Variants in USP28 observed in about 807,000 individuals in gnomAD.
USP28 encodes ubiquitin carboxyl-terminal hydrolase 28.
In USP28, 113 loss-of-function variants were observed where a neutral mutation model predicts 145.0. The ratio of observed to expected loss-of-function variants is 0.78; its 90% CI spans 0.67 to 0.91. The LOEUF (loss-of-function observed/expected upper bound fraction) is 0.91, where lower values mean the gene tolerates loss of function less well. Ranked by LOEUF, USP28 falls within the 40% of genes least tolerant of loss-of-function variation. The probability of loss-of-function intolerance (pLI) is 0.00; values close to 1 mark genes in which losing one functional copy is unlikely to be tolerated. For synonymous variants in USP28, 447 were observed against 450.9 expected (o/e 0.99, Z 0.11); for missense variants, 1,201 against 1,289.6 (o/e 0.93, Z 1.05).
At chr11:113,861,517 C>T (rs1352226290) in intron 1 of USP28, among the ~76,000 whole-genome samples, 1 of 152,026 alleles carries the variant, frequency 6.6e-6, no homozygotes, top group Non-Finnish European at 1.5e-5. Flanking sequence ...AAAACTGGGA[C>T]TTAAAAACAA....
chr11:113,810,557 G>A (rs972449647), intron 16 of USP28, among the ~76,000 whole-genome samples: 10 of 152,082 alleles, frequency 6.6e-5, no homozygotes, highest in African/African-American at 1.9e-4. Context: ...TCATTCCTTC[G>A]CAGCATAAAT....
At chr11:113,821,806 T>C (rs1411092047) in intron 12 of USP28, 1 of 176,092 alleles carries the variant, frequency 5.7e-6, no homozygotes, top group Non-Finnish European at 1.2e-5. Context: ...TTAACAAAAT[T>C]TTGTGCTTGG....
intron 7 of USP28, 98 bp from the exon 8 acceptor site, chr11:113,832,091 T>C (rs972506264): frequency 3.1e-6 from 3 of 983,128 alleles, no homozygotes; most frequent in Non-Finnish European, 4.6e-6. Context: ...TATACTACTA[T>C]AAAAGCATTT....
intron 14 of USP28, 143 bp downstream of exon 14, chr11:113,815,031 G>T: frequency 1.3e-6 from 1 of 757,612 alleles, no homozygotes; most frequent in Non-Finnish European, 2.1e-6. Context: ...CAGCCTGGGT[G>T]ATAGAGTGAG....
At chr11:113,812,569 T>C in intron 15 of USP28, 65 bp from the exon 16 acceptor site, 1 of 1,414,478 alleles carries the variant, frequency 7.1e-7, no homozygotes, top group Non-Finnish European at 9.9e-7. Flanking sequence ...GTTTAGGTTA[T>C]TAAGAAATTA....
intron 5 of USP28, among the ~76,000 whole-genome samples, 185 bp downstream of exon 5, chr11:113,840,413 A>C (rs1214099337): frequency 6.6e-6 from 1 of 152,224 alleles, no homozygotes; most frequent in Admixed American, 6.5e-5. Flanking sequence ...ACCACAGCAG[A>C]TTTCTTTTTA....
chr11:113,807,358 A>T (rs1419741408), intron 18 of USP28, among the ~76,000 whole-genome samples: 2 of 150,270 alleles, frequency 1.3e-5, no homozygotes, highest in South Asian at 4.2e-4. Flanking sequence ...ATAGGCGTAA[A>T]CCTCCGTGCC....
rs1178709270 is a variant in USP28 at position 113,835,212 on chromosome 11, A to G, written c.535-877T>C. The G allele has an allele frequency of 6.2e-5, 28 of 448,014 alleles. 1 individual carries two copies. Among genetic ancestry groups the G allele is most frequent in the South Asian group, 2.6e-4 (16 of 62,232 alleles). 27.8% of individuals were successfully genotyped at this position (448,014 alleles called of 1,614,324 possible). A position where few individuals can be genotyped will look rare whatever the true frequency, so the allele number is the denominator to read the frequency against. On this transcript the variant is annotated intron_variant, in intron 5 of 24. Transcript: ENST00000003302. ...CATTTTTCTACTATGAATACCTTTC[A>G]TAAGTTAATTTTCTTTAAAAATATC...
chr11:113,834,652 A>C (rs1233742953), intron 5 of USP28, among the ~76,000 whole-genome samples: 1 of 152,186 alleles, frequency 6.6e-6, no homozygotes, highest in Non-Finnish European at 1.5e-5. Flanking sequence ...TCCTGAGCTC[A>C]AGGGATCTGC....
intron 10 of USP28, among the ~76,000 whole-genome samples, 156 bp from the exon 11 acceptor site, chr11:113,827,516 T>C (rs551250862): frequency 2.0e-5 from 3 of 152,252 alleles, no homozygotes; most frequent in Admixed American, 6.5e-5. Context: ...TCCCAAACAC[T>C]AAAGGGAATC....
chr11:113,808,161 G>T, intron 18 of USP28, 25 bp from the exon 19 acceptor site: 2 of 1,521,918 alleles, frequency 1.3e-6, no homozygotes, highest in Non-Finnish European at 1.8e-6. Context: ...TGGGGAGAAA[G>T]AGTAAGAAAA....
At chr11:113,846,388 T>C (rs558470830) in intron 3 of USP28, among the ~76,000 whole-genome samples, 5 of 152,282 alleles carry the variant, frequency 3.3e-5, no homozygotes, top group Admixed American at 3.3e-4. Context: ...AAGACAGATA[T>C]TATGCCAAAT....
chr11:113,831,884 G>A (rs1249233769), intron 8 of USP28, 36 bp downstream of exon 8: 2 of 1,595,822 alleles, frequency 1.3e-6, no homozygotes, highest in Non-Finnish European at 8.6e-7. Context: ...CCCACTGTGA[G>A]TCGGAAGGAT....
chr11:113,834,353 A>C lies in USP28; in HGVS notation c.535-18T>G. ...AAGAGAGACTGAAATAAAGAAAGAA[A>C]GGGATTCATAGCCTTTCCTGAAAAT... On this transcript the variant is annotated intron_variant, in intron 5 of 24. Transcript: ENST00000003302. 1 of 1,557,620 alleles carries C rather than the reference A, an allele frequency of 6.4e-7. No homozygotes were observed. The highest frequency in any genetic ancestry group is 8.8e-7 in the Non-Finnish European group (1 of 1,136,970).
At chr11:113,822,590 AG>A (rs10706243) in intron 12 of USP28, 15,698 of 152,252 alleles carry the variant, frequency 0.1, 862 homozygotes, top group Middle Eastern at 0.17. Context: ...CTGGGATTAT[AG>A]GCACATGATA....
chr11:113,867,517 C>T (rs1325270909), intron 1 of USP28, among the ~76,000 whole-genome samples: 1 of 151,866 alleles, frequency 6.6e-6, no homozygotes, highest in Non-Finnish European at 1.5e-5. Flanking sequence ...GCCACCTCAC[C>T]CAGCCCCACT....
chr11:113,832,049 A>T (rs1329425020), intron 7 of USP28, 56 bp from the exon 8 acceptor site: 9 of 1,397,358 alleles, frequency 6.4e-6, no homozygotes, highest in African/African-American at 1.4e-5. Flanking sequence ...GAGAAATTAA[A>T]ATTTATCCTT....
chr11:113,867,984 C>T (rs1948462566), intron 1 of USP28, among the ~76,000 whole-genome samples: 1 of 152,116 alleles, frequency 6.6e-6, no homozygotes, highest in Non-Finnish European at 1.5e-5. Context: ...CTTACTGAGG[C>T]AGATCTTTAG....
chr11:113,845,936 G>A (rs1192902161), intron 3 of USP28, among the ~76,000 whole-genome samples: 1 of 152,166 alleles, frequency 6.6e-6, no homozygotes, highest in Non-Finnish European at 1.5e-5. Flanking sequence ...ATTCACAAGA[G>A]CCAAGAGGTG....
Sources: gnomAD v4.1 joint callset for allele counts (sites outside exome capture counted in the v4.1 genomes callset) on GRCh38, gnomAD v4.1.1 for gene constraint, MANE v1.5 for transcripts, NCBI Gene and HGNC (gene_info 2026-07-23, HGNC 2026-07-21) for gene names.